CDYL2: variants seen among roughly 807,000 people sequenced by gnomAD.
The protein encoded by CDYL2 is chromodomain Y-like protein 2.
In CDYL2, 23 loss-of-function variants were observed where a neutral mutation model predicts 49.4. That is an observed-to-expected ratio of 0.47 (90% CI 0.34 to 0.66). CDYL2 has a LOEUF of 0.66. CDYL2 is among the 30% of genes least tolerant of loss of function. The pLI is 0.01. For synonymous variants in CDYL2, 360 were observed against 268.8 expected (o/e 1.34, Z -3.32); for missense variants, 678 against 656.4 (o/e 1.03, Z -0.36).
intron 1 of CDYL2, among the ~76,000 whole-genome samples, chr16:80,801,345 C>G (rs896936839): frequency 4.6e-5 from 7 of 152,222 alleles, no homozygotes; most frequent in Non-Finnish European, 8.8e-5. Context: ...TTGAAGAGTG[C>G]TATTACATAA....
intron 1 of CDYL2, among the ~76,000 whole-genome samples, chr16:80,753,217 T>C (rs1906195718): frequency 6.6e-6 from 1 of 151,350 alleles, no homozygotes; most frequent in South Asian, 2.1e-4. Flanking sequence ...GACAATGTAG[T>C]AAGGAAAGAA....
Position 80,804,497 on chromosome 16 carries a change from C to A in CDYL2, c.-324G>T, listed in dbSNP as rs1027374345. Among the ~76,000 whole-genome samples, 4 of 143,658 alleles carry A rather than the reference C, an allele frequency of 2.8e-5. No individual in the cohort carries two copies. The highest frequency in any genetic ancestry group is 1.0e-4 in the African/African-American group (4 of 40,188). 94.2% of individuals were successfully genotyped at this position (143,658 alleles called of 152,430 possible). On this transcript the variant is annotated 5_prime_UTR_variant, in exon 1 of 7. Transcript: ENST00000570137. ...CCCGAGCGCCGCGGCCCCCGCGACCCGGCGACCCGGCGGCGGTGGCTGCAG... is the reference window on the plus strand; with the variant it reads ...CCCGAGCGCCGCGGCCCCCGCGACCAGGCGACCCGGCGGCGGTGGCTGCAG...
rs1910346846 is a variant in CDYL2, at chr16:80,689,957, C to G, written c.25-4828G>C. ...CCAACATGGTGAAACCCCATCTCTA[C>G]TAATAATACAAAAATTAGCTGGGCG... On this transcript the variant is annotated intron_variant, in intron 1 of 6. Transcript: ENST00000570137. Among the ~76,000 whole-genome samples the G allele has an allele frequency of 2.0e-5, 3 of 151,996 alleles. No homozygotes were observed. The South Asian group carries it at 6.2e-4, about 32-fold the overall frequency.
At chr16:80,666,819 C>A (rs1909284208) in intron 2 of CDYL2, among the ~76,000 whole-genome samples, 1 of 152,190 alleles carries the variant, frequency 6.6e-6, no homozygotes, top group Non-Finnish European at 1.5e-5. Flanking sequence ...GCAGAACCGG[C>A]TCCTTAAGTC....
intron 2 of CDYL2, among the ~76,000 whole-genome samples, chr16:80,678,884 T>C (rs1411273359): frequency 6.6e-6 from 1 of 150,962 alleles, no homozygotes; most frequent in Non-Finnish European, 1.5e-5. Context: ...AATGATAGAT[T>C]GGATTAAGAA....
chr16:80,724,406 T>C (rs1905100891), intron 1 of CDYL2, among the ~76,000 whole-genome samples: 1 of 152,142 alleles, frequency 6.6e-6, no homozygotes, highest in Admixed American at 6.5e-5. Context: ...GGTGGCTCTT[T>C]TTTCTATGCC....
intron 3 of CDYL2, among the ~76,000 whole-genome samples, chr16:80,621,871 C>T (rs1209237460): frequency 6.6e-6 from 1 of 152,134 alleles, no homozygotes; most frequent in Admixed American, 6.5e-5. Context: ...GGGAGATAGA[C>T]ACAGGTGCCC....
intron 1 of CDYL2, among the ~76,000 whole-genome samples, chr16:80,789,917 G>T (rs1907555643): frequency 6.6e-6 from 1 of 152,116 alleles, no homozygotes; most frequent in African/African-American, 2.4e-5. Context: ...CAAAAGGAAA[G>T]AAGATGTGAG....
chr16:80,727,416 A>G (rs1905199209), intron 1 of CDYL2, among the ~76,000 whole-genome samples: 1 of 152,164 alleles, frequency 6.6e-6, no homozygotes, highest in South Asian at 2.1e-4. Flanking sequence ...GCACCAGGAG[A>G]TTATATCCCG....
intron 1 of CDYL2, among the ~76,000 whole-genome samples, chr16:80,750,112 C>G (rs1341540179): frequency 6.6e-6 from 1 of 152,004 alleles, no homozygotes; most frequent in African/African-American, 2.4e-5. Context: ...GGAGGGACAA[C>G]ATTAGGATAT....
chr16:80,717,225 C>T (rs1178926718), intron 1 of CDYL2, among the ~76,000 whole-genome samples: 1 of 152,112 alleles, frequency 6.6e-6, no homozygotes, highest in Non-Finnish European at 1.5e-5. Context: ...TGGTGACTAG[C>T]CATTCTTACT....
At chr16:80,636,817 C>G (rs558879215) in intron 2 of CDYL2, among the ~76,000 whole-genome samples, 1 of 152,076 alleles carries the variant, frequency 6.6e-6, no homozygotes, top group Non-Finnish European at 1.5e-5. Flanking sequence ...CGCCCATCAA[C>G]GATAGACTGG....
chr16:80,803,675 C>A (rs1290244852), intron 1 of CDYL2, among the ~76,000 whole-genome samples: 1 of 142,524 alleles, frequency 7.0e-6, no homozygotes, highest in Non-Finnish European at 1.6e-5. Context: ...CCCTCCTCCC[C>A]CGCGCCCCCG....
At chr16:80,691,399 T>G (rs2142486935) in intron 1 of CDYL2, among the ~76,000 whole-genome samples, 1 of 152,278 alleles carries the variant, frequency 6.6e-6, no homozygotes, top group African/African-American at 2.4e-5. Context: ...GTTTTTCCCG[T>G]CCAGTGCAGC....
intron 1 of CDYL2, among the ~76,000 whole-genome samples, chr16:80,690,361 A>G (rs1467297329): frequency 3.3e-5 from 5 of 152,082 alleles, no homozygotes; most frequent in Admixed American, 3.3e-4. Context: ...CCTCCTCCTC[A>G]GCCTTTCCAC....
At chr16:80,754,316 T>C (rs900310648) in intron 1 of CDYL2, among the ~76,000 whole-genome samples, 1 of 152,116 alleles carries the variant, frequency 6.6e-6, no homozygotes, top group Non-Finnish European at 1.5e-5. Context: ...AGGAGAGATA[T>C]CCAGAATATA....
chr16:80,627,222 T>C (rs1024195424), intron 3 of CDYL2, among the ~76,000 whole-genome samples: 1 of 152,120 alleles, frequency 6.6e-6, no homozygotes, highest in Non-Finnish European at 1.5e-5. Context: ...TGTGGGTCCT[T>C]TAATCCATCT....
intron 1 of CDYL2, among the ~76,000 whole-genome samples, chr16:80,726,449 TA>T (rs1905165599): frequency 6.6e-6 from 1 of 152,264 alleles, no homozygotes; most frequent in African/African-American, 2.4e-5. Context: ...CTATGTATTT[TA>T]AAACTGAAGT....
At chr16:80,645,879 T>C (rs912769110) in intron 2 of CDYL2, among the ~76,000 whole-genome samples, 1 of 150,122 alleles carries the variant, frequency 6.7e-6, no homozygotes, top group Admixed American at 6.7e-5. Context: ...GCAAACTATC[T>C]CAAGGACAGA....
Sources: allele counts gnomAD v4.1 joint callset (sites outside exome capture counted in the v4.1 genomes callset), GRCh38; gene constraint gnomAD v4.1.1; transcripts MANE v1.5; gene names NCBI Gene and HGNC (gene_info 2026-07-23, HGNC 2026-07-21).